EFNA5: variants seen among roughly 807,000 people sequenced by gnomAD.
The protein encoded by EFNA5 is ephrin A5.
EFNA5 carries 5 observed loss-of-function variants against 22.9 expected under a neutral mutation model. That is an observed-to-expected ratio of 0.22 (90% CI 0.11 to 0.46). The LOEUF (loss-of-function observed/expected upper bound fraction) is 0.46, where lower values mean the gene tolerates loss of function less well. Ranked by LOEUF, EFNA5 falls within the 20% of genes least tolerant of loss-of-function variation. The probability of loss-of-function intolerance (pLI) is 0.99; values close to 1 mark genes in which losing one functional copy is unlikely to be tolerated. For missense variants in EFNA5, 237 were observed against 293.3 expected (o/e 0.81, Z 1.40); for synonymous variants, 113 against 112.2 (o/e 1.01, Z -0.04).
intron 1 of EFNA5, among the ~76,000 whole-genome samples, chr5:107,509,725 T>TA (rs1038141811): frequency 1.3e-5 from 2 of 152,142 alleles, no homozygotes; most frequent in African/African-American, 4.8e-5. Context: ...AACACTGGAA[T>TA]ACGGCCTTCA....
intron 1 of EFNA5, among the ~76,000 whole-genome samples, chr5:107,515,011 A>G (rs953263899): frequency 6.6e-6 from 1 of 152,222 alleles, no homozygotes; most frequent in African/African-American, 2.4e-5. Context: ...AGGACTAGAC[A>G]TGTGCAGGAT....
intron 2 of EFNA5, among the ~76,000 whole-genome samples, chr5:107,388,153 G>GA (rs1747686570): frequency 6.6e-6 from 1 of 152,164 alleles, no homozygotes; most frequent in Admixed American, 6.6e-5. Context: ...TCTGCTGCAG[G>GA]AAAAGGGGCC....
At chr5:107,543,629 G>A (rs531579749) in intron 1 of EFNA5, among the ~76,000 whole-genome samples, 72 of 152,150 alleles carry the variant, frequency 4.7e-4, no homozygotes, top group African/African-American at 1.7e-3. Context: ...TGAAGTTATC[G>A]TTTGGGAATA....
In EFNA5 at chr5:107,435,292, C is replaced by T. The variant is rs888980734; in HGVS notation, c.126-7783G>A. Among the ~76,000 whole-genome samples, 5 of 144,400 alleles carry T rather than the reference C, an allele frequency of 3.5e-5. No homozygotes were observed. The South Asian group carries it at 8.7e-4, about 25-fold the overall frequency. The allele number at this position is 144,400 out of a possible 152,430, so 94.7% of individuals were successfully genotyped here. On this transcript the variant is annotated intron_variant, in intron 1 of 4. Coordinates refer to ENST00000333274, the MANE Select transcript of EFNA5 (RefSeq NM_001962.3). Reference sequence around the variant, plus strand: ...CACAGAATGCAAGCCTTATGGCTTTCCTATTCTAAATCTGAAGATGCTCTT... The same window carrying T: ...CACAGAATGCAAGCCTTATGGCTTTTCTATTCTAAATCTGAAGATGCTCTT...
At chr5:107,455,056 C>G (rs1749660691) in intron 1 of EFNA5, among the ~76,000 whole-genome samples, 1 of 152,160 alleles carries the variant, frequency 6.6e-6, no homozygotes, top group East Asian at 1.9e-4. Context: ...AACAAAATCT[C>G]AAACCCTCAA....
At chr5:107,403,432 A>G (rs1580428062) in intron 2 of EFNA5, among the ~76,000 whole-genome samples, 1 of 152,232 alleles carries the variant, frequency 6.6e-6, no homozygotes, top group African/African-American at 2.4e-5. Context: ...TGAGAGATTG[A>G]AAGAATTTAG....
At chr5:107,397,018 G>T (rs918850751) in intron 2 of EFNA5, among the ~76,000 whole-genome samples, 1 of 151,992 alleles carries the variant, frequency 6.6e-6, no homozygotes, top group Non-Finnish European at 1.5e-5. Flanking sequence ...TATAGATCCC[G>T]CACCATGCCC....
intron 1 of EFNA5, among the ~76,000 whole-genome samples, chr5:107,631,417 A>G (rs1420390835): frequency 6.6e-6 from 1 of 152,068 alleles, no homozygotes; most frequent in Non-Finnish European, 1.5e-5. Context: ...ATATATACAT[A>G]TACACAAACA....
chr5:107,656,402 C>A (rs1750821746), intron 1 of EFNA5, among the ~76,000 whole-genome samples: 1 of 151,988 alleles, frequency 6.6e-6, no homozygotes, highest in Non-Finnish European at 1.5e-5. Context: ...TTAAATAAAA[C>A]CCAATGTAAA....
At chr5:107,466,749 T>C (rs1749996394) in intron 1 of EFNA5, among the ~76,000 whole-genome samples, 1 of 152,030 alleles carries the variant, frequency 6.6e-6, no homozygotes, top group Admixed American at 6.6e-5. Flanking sequence ...GTCTGGTAGG[T>C]GAGATGCACA....
At chr5:107,642,627 C>A (rs1385783002) in intron 1 of EFNA5, among the ~76,000 whole-genome samples, 2 of 152,092 alleles carry the variant, frequency 1.3e-5, no homozygotes, top group African/African-American at 4.8e-5. Flanking sequence ...TTATAGCATT[C>A]TCTAAAATAT....
rs545289176 is a variant in EFNA5 at position 107,378,552 on chromosome 5, G to A, written c.*2703C>T. On this transcript the variant is annotated 3_prime_UTR_variant, in exon 5 of 5. Transcript: ENST00000333274. ...ACACTTTTTAAACAAAGTGAAAACT[G>A]TCTGACACCAATCATCTTGAAAACT... is the stretch of plus-strand genomic sequence containing the variant. 10 of 152,274 alleles carry A rather than the reference G, an allele frequency of 6.6e-5. No individual in the cohort carries two copies. Among genetic ancestry groups the A allele is most frequent in the African/African-American group, 2.2e-4 (9 of 41,550 alleles). The allele number at this position is 152,274 out of a possible 1,614,324, so 9.4% of individuals were successfully genotyped here. A position where few individuals can be genotyped will look rare whatever the true frequency, so the allele number is the denominator to read the frequency against.
At chr5:107,586,322 C>T (rs545784096) in intron 1 of EFNA5, among the ~76,000 whole-genome samples, 2 of 152,024 alleles carry the variant, frequency 1.3e-5, no homozygotes, top group East Asian at 3.9e-4. Flanking sequence ...AAAACTAGAC[C>T]AAAGAAAGAA....
intron 1 of EFNA5, among the ~76,000 whole-genome samples, chr5:107,450,828 T>G (rs566954576): frequency 1.1e-4 from 17 of 152,226 alleles, no homozygotes; most frequent in Non-Finnish European, 2.2e-4. Context: ...GTGTGGCAAT[T>G]CAAATGTAAT....
intron 1 of EFNA5, among the ~76,000 whole-genome samples, chr5:107,440,761 A>G (rs1749235248): frequency 6.6e-6 from 1 of 152,186 alleles, no homozygotes; most frequent in South Asian, 2.1e-4. Context: ...CTCAGTGTTG[A>G]TGAGCTGGGT....
chr5:107,663,110 G>A (rs1287846571), intron 1 of EFNA5, among the ~76,000 whole-genome samples: 2 of 151,996 alleles, frequency 1.3e-5, no homozygotes, highest in Non-Finnish European at 2.9e-5. Flanking sequence ...AGAGAGCCCT[G>A]CCAAAATGAT....
At chr5:107,550,678 A>G (rs576014559) in intron 1 of EFNA5, among the ~76,000 whole-genome samples, 5 of 152,306 alleles carry the variant, frequency 3.3e-5, no homozygotes, top group Admixed American at 6.5e-5. Flanking sequence ...AAGAATACCA[A>G]ACTTTGTAGT....
chr5:107,422,732 G>C (rs1450010663), intron 2 of EFNA5, among the ~76,000 whole-genome samples: 1 of 152,172 alleles, frequency 6.6e-6, no homozygotes, highest in Admixed American at 6.5e-5. Context: ...TGCTGGCCAG[G>C]TTAGAGACTG....
intron 1 of EFNA5, among the ~76,000 whole-genome samples, chr5:107,513,261 G>A (rs1747409964): frequency 6.6e-6 from 1 of 150,786 alleles, no homozygotes; most frequent in Non-Finnish European, 1.5e-5. Flanking sequence ...AGAGGGAGAG[G>A]GAGAGAGAGA....
Sources: allele counts gnomAD v4.1 joint callset (sites outside exome capture counted in the v4.1 genomes callset), GRCh38; gene constraint gnomAD v4.1.1; transcripts MANE v1.5; gene names NCBI Gene and HGNC (gene_info 2026-07-23, HGNC 2026-07-21).